Variants in TWF1 observed in about 807,000 individuals in gnomAD.
TWF1 encodes twinfilin actin binding protein 1.
A neutral mutation model predicts 47.9 loss-of-function variants in TWF1; 14 were observed. The observed-to-expected ratio is 0.29, with a 90% confidence interval of 0.19 to 0.46. The LOEUF is 0.46. TWF1 is among the 20% of genes least tolerant of loss of function. The probability of loss-of-function intolerance (pLI) is 1.00; values close to 1 mark genes in which losing one functional copy is unlikely to be tolerated. For synonymous variants in TWF1, 96 were observed against 139.2 expected (o/e 0.69, Z 2.18); for missense variants, 281 against 409.3 (o/e 0.69, Z 2.70).
chr12:43,795,574 A>G lies in TWF1; in HGVS notation c.*11T>C. On this transcript the variant is annotated 3_prime_UTR_variant, in exon 9 of 9. Transcript: ENST00000395510. Reference sequence around the variant, plus strand: ...TAAAAAACTAGTATTACAATGTTTAATGTGATGACTTTAATCAGTAGTAGC... The same window carrying G: ...TAAAAAACTAGTATTACAATGTTTAGTGTGATGACTTTAATCAGTAGTAGC... 1.2e-6 allele frequency: 2 copies of G among 1,610,424 alleles called. No homozygotes were observed. The highest frequency in any genetic ancestry group is 1.7e-6 in the Non-Finnish European group (2 of 1,178,986).
chr12:43,794,587 T>C lies in TWF1; in HGVS notation c.*998A>G, dbSNP rs1018291976. 3 of 149,850 alleles carry C rather than the reference T, an allele frequency of 2.0e-5. No homozygotes were observed. Among genetic ancestry groups the C allele is most frequent in the Non-Finnish European group, 4.4e-5 (3 of 67,572 alleles). The allele number at this position is 149,850 out of a possible 1,614,324, so 9.3% of individuals were successfully genotyped here. ...CCCTCTATTTCAAGTATCAAAGAAA[T>C]ATGAGGCTCAAAATCTCTCTAGGTT... On this transcript the variant is annotated 3_prime_UTR_variant, in exon 9 of 9. Coordinates refer to ENST00000395510, the MANE Select transcript of TWF1 (RefSeq NM_002822.5).
intron 8 of TWF1, 132 bp from the exon 9 acceptor site, chr12:43,795,887 T>C (rs1592275708): frequency 2.6e-6 from 2 of 781,966 alleles, no homozygotes; most frequent in African/African-American, 3.5e-5. Flanking sequence ...TGTAAACAGT[T>C]TCACTTTCTT....
chr12:43,800,560 A>T, intron 3 of TWF1, 30 bp from the exon 4 acceptor site: 1 of 1,534,994 alleles, frequency 6.5e-7, no homozygotes, highest in Non-Finnish European at 9.0e-7. Context: ...TACTTAGTTT[A>T]TAGATGAAAA....
At position 43,795,615 on chromosome 12, in the gene TWF1, G is replaced by T; in HGVS notation, c.1023C>A (p.Gly341=). 6.2e-7 allele frequency: 1 copy of T among 1,612,128 alleles called. No individual in the cohort carries two copies. The highest frequency in any genetic ancestry group is 8.5e-7 in the Non-Finnish European group (1 of 1,179,816). ...CAGTAGTAGCTTCAGTTTCCGCTGG[G>T]CCCCTAATTAGTCTTCGAATTCCTC... ...GKRGIRRLIR[G]PAETEATTD The change falls in exon 9 of 9, where the codon GGC becomes GGA. Residue 341 remains glycine, a synonymous_variant. Transcript: ENST00000395510.
chr12:43,805,089 G>A (rs890250117), intron 1 of TWF1, among the ~76,000 whole-genome samples: 1 of 152,122 alleles, frequency 6.6e-6, no homozygotes, highest in Non-Finnish European at 1.5e-5. Context: ...TTTCTAACTT[G>A]CATTTCTCAA....
At chr12:43,803,547 A>G (rs1245181248) in intron 2 of TWF1, among the ~76,000 whole-genome samples, 1 of 152,168 alleles carries the variant, frequency 6.6e-6, no homozygotes, top group African/African-American at 2.4e-5. Flanking sequence ...ACCAGAAAAT[A>G]ATAACTTAGG....
chr12:43,798,719 C>A, intron 5 of TWF1: 3 of 1,001,558 alleles, frequency 3.0e-6, no homozygotes, highest in Non-Finnish European at 4.2e-6. Flanking sequence ...AAATGATATT[C>A]AACCATTCTC....
chr12:43,800,559 T>A, intron 3 of TWF1, 29 bp from the exon 4 acceptor site: 1 of 1,545,562 alleles, frequency 6.5e-7, no homozygotes, highest in South Asian at 1.1e-5. Flanking sequence ...TTACTTAGTT[T>A]ATAGATGAAA....
In TWF1 at chr12:43,795,784, A is replaced by T. The variant is rs572778505; in HGVS notation, c.883-29T>A. 2.2e-5 allele frequency: 36 copies of T among 1,608,290 alleles called. 1 individual carries two copies. In the South Asian group the frequency reaches 3.7e-4, roughly 17 times the overall value. On this transcript the variant is annotated intron_variant, in intron 8 of 8. Transcript: ENST00000395510. ...TAAAAGATAAAATTAGAAGCACAAC[A>T]TTCAAAACCTAATACAAGCAACAAG...
intron 7 of TWF1, 84 bp downstream of exon 7, chr12:43,797,218 T>G (rs1942568959): frequency 6.7e-7 from 1 of 1,484,752 alleles, no homozygotes; most frequent in African/African-American, 1.4e-5. Flanking sequence ...CTAAGCCCTC[T>G]GGGCAAGAAA....
intron 3 of TWF1, among the ~76,000 whole-genome samples, chr12:43,800,805 G>C (rs766200035): frequency 2.6e-5 from 4 of 152,040 alleles, no homozygotes; most frequent in Non-Finnish European, 5.9e-5. Context: ...GGCTGGAGTG[G>C]AATGGCATGA....
rs1942522732 is a variant in TWF1 at position 43,794,891 on chromosome 12, G to C, written c.*694C>G. The C allele has an allele frequency of 6.6e-6, 1 of 151,958 alleles. No individual in the cohort carries two copies. The highest frequency in any genetic ancestry group is 6.6e-5 in the Admixed American group (1 of 15,250). 9.4% of individuals were successfully genotyped at this position (151,958 alleles called of 1,614,324 possible). A position where few individuals can be genotyped will look rare whatever the true frequency, so the allele number is the denominator to read the frequency against. On this transcript the variant is annotated 3_prime_UTR_variant, in exon 9 of 9. Coordinates refer to ENST00000395510, the MANE Select transcript of TWF1 (RefSeq NM_002822.5). The stretch of plus-strand genomic sequence containing the variant: ...ATTTCAATCTGAACATAAATGTTTG[G>C]CCTCACAGAGCATTAGAAAGATAAT...
At chr12:43,800,355 G>C (rs1002201279) in intron 4 of TWF1, 80 bp downstream of exon 4, 3 of 919,752 alleles carry the variant, frequency 3.3e-6, no homozygotes, top group Non-Finnish European at 5.0e-6. Flanking sequence ...ATCTGAATTC[G>C]TATCAATTAC....
In TWF1 at chr12:43,797,472, T is replaced by C; in HGVS notation, c.610-20A>G. ...TATTTCCTGCCAATAAGAAACAAAATATGTTCATTAAAACCAGATATAAGG... is the reference window on the plus strand; with the variant it reads ...TATTTCCTGCCAATAAGAAACAAAACATGTTCATTAAAACCAGATATAAGG... On this transcript the variant is annotated intron_variant, in intron 6 of 8. Coordinates refer to ENST00000395510, the MANE Select transcript of TWF1 (RefSeq NM_002822.5). 1 of 1,547,562 alleles carries C rather than the reference T, an allele frequency of 6.5e-7. No homozygotes were observed. Among genetic ancestry groups the C allele is most frequent in the South Asian group, 1.2e-5 (1 of 82,316 alleles).
chr12:43,798,157 T>C (rs1033183991), intron 5 of TWF1, among the ~76,000 whole-genome samples: 4 of 152,104 alleles, frequency 2.6e-5, no homozygotes, highest in Admixed American at 2.0e-4. Context: ...TTTTACTTGA[T>C]AGAATTTATA....
At chr12:43,804,356 T>C (rs1006380991) in intron 2 of TWF1, 139 bp downstream of exon 2, 12 of 633,690 alleles carry the variant, frequency 1.9e-5, no homozygotes, top group Non-Finnish European at 3.4e-5. Context: ...GCACAAAATA[T>C]GAGGAATCCA....
At position 43,797,002 on chromosome 12, in the gene TWF1, G is replaced by C. The variant is rs1402048622; in HGVS notation, c.856C>G (p.Gln286Glu). 10 of 1,610,908 alleles carry C rather than the reference G, an allele frequency of 6.2e-6. No individual in the cohort carries two copies. The highest frequency in any genetic ancestry group is 1.3e-5 in the African/African-American group (1 of 74,788). The change falls in exon 8 of 9, where the codon CAA (glutamine) becomes GAA (glutamate). Residue 286 changes from glutamine to glutamate, a missense_variant. Physicochemically the swap from Gln to Glu is conservative, Grantham distance 29 (BLOSUM62 2). Transcript: ENST00000395510. ...TTTCTAATTACATCCATTTGTAGTT[G>C]TCTTTCTACAATTTCTAGCAGACGG... ...KSRLLEIVERQLQMDVIRKIE... is the reference protein window; with the variant it reads ...KSRLLEIVERELQMDVIRKIE...
In TWF1 at chr12:43,797,164, A is replaced by C; in HGVS notation, c.761-67T>G. The C allele has an allele frequency of 5.4e-6, 8 of 1,493,912 alleles. No homozygotes were observed. In the South Asian group the frequency reaches 1.0e-4, roughly 19 times the overall value. 92.5% of individuals were successfully genotyped at this position (1,493,912 alleles called of 1,614,324 possible). ...ACATAAACTTCATAAAACTACATAT[A>C]TAAACTTCATAAAAACAAGTACAGA... On this transcript the variant is annotated intron_variant, in intron 7 of 8. Coordinates refer to ENST00000395510, the MANE Select transcript of TWF1 (RefSeq NM_002822.5).
chr12:43,796,893 A>G (rs374047237), intron 8 of TWF1, 83 bp downstream of exon 8: 1 of 1,372,852 alleles, frequency 7.3e-7, no homozygotes, highest in East Asian at 2.3e-5. Context: ...ATTTTCATTT[A>G]TAAATCACAG....
Sources: gnomAD v4.1 joint callset for allele counts (sites outside exome capture counted in the v4.1 genomes callset) on GRCh38, gnomAD v4.1.1 for gene constraint, MANE v1.5 for transcripts, NCBI Gene and HGNC (gene_info 2026-07-23, HGNC 2026-07-21) for gene names.